RAI14: variants seen among roughly 807,000 people sequenced by gnomAD.
RAI14 encodes ankycorbin.
Under a neutral mutation model 115.4 loss-of-function variants are expected in RAI14, and 45 were observed. The ratio of observed to expected loss-of-function variants is 0.39; its 90% confidence interval spans 0.31 to 0.50. The LOEUF (loss-of-function observed/expected upper bound fraction) is 0.50, where lower values mean the gene tolerates loss of function less well. Among genes scored for constraint, RAI14 ranks in the 20% least tolerant of loss-of-function variants. RAI14 has a pLI of 0.85. For synonymous variants in RAI14, 371 were observed against 415.4 expected, an observed-to-expected ratio of 0.89 and a Z score of 1.30; for missense variants, 939 against 1,131.2, an observed-to-expected ratio of 0.83 and a Z score of 2.44.
chr5:34,788,327 T>C (rs1752557008), intron 3 of RAI14, among the ~76,000 whole-genome samples: 1 of 152,080 alleles, frequency 6.6e-6, no homozygotes. Context: ...TAGATGCCAA[T>C]AGAATCTCCC....
At chr5:34,759,035 G>A (rs1348719623) in intron 3 of RAI14, among the ~76,000 whole-genome samples, 2 of 152,192 alleles carry the variant, frequency 1.3e-5, no homozygotes, top group South Asian at 2.1e-4. Flanking sequence ...GCCGAGGCGG[G>A]TGGAATCACT....
At chr5:34,694,895 G>T (rs540356925) in intron 2 of RAI14, among the ~76,000 whole-genome samples, 1 of 152,150 alleles carries the variant, frequency 6.6e-6, no homozygotes, top group South Asian at 2.1e-4. Context: ...TTTTCATTTT[G>T]TCTGGGTGTG....
At chr5:34,793,264 C>G (rs917437221) in intron 3 of RAI14, among the ~76,000 whole-genome samples, 21 of 152,150 alleles carry the variant, frequency 1.4e-4, no homozygotes, top group African/African-American at 4.3e-4. Context: ...TTTCCCAAAT[C>G]ATTTGTAGAA....
intron 1 of RAI14, among the ~76,000 whole-genome samples, chr5:34,680,287 T>C (rs1269469712): frequency 6.6e-6 from 1 of 152,172 alleles, no homozygotes; most frequent in East Asian, 1.9e-4. Context: ...GAAAAGAAGC[T>C]TATTGGGTTC....
At chr5:34,706,745 G>A (rs1231800973) in intron 2 of RAI14, among the ~76,000 whole-genome samples, 2 of 152,022 alleles carry the variant, frequency 1.3e-5, no homozygotes, top group Non-Finnish European at 2.9e-5. Context: ...CAAGTTATCT[G>A]GACCATTTTA....
intron 1 of RAI14, among the ~76,000 whole-genome samples, chr5:34,677,668 G>T (rs1744086983): frequency 6.6e-6 from 1 of 152,086 alleles, no homozygotes; most frequent in Admixed American, 6.6e-5. Flanking sequence ...GCTGGTCTCA[G>T]GCTCAAGTGA....
chr5:34,769,427 T>G (rs1749862255), intron 3 of RAI14, among the ~76,000 whole-genome samples: 3 of 152,184 alleles, frequency 2.0e-5, no homozygotes, highest in Non-Finnish European at 4.4e-5. Context: ...TTACCCTCAG[T>G]ATAATCTGAA....
intron 1 of RAI14, among the ~76,000 whole-genome samples, chr5:34,670,649 T>A (rs1234508867): frequency 1.3e-5 from 2 of 152,210 alleles, no homozygotes; most frequent in Non-Finnish European, 2.9e-5. Flanking sequence ...CCATATGTTA[T>A]TGTTAACACA....
chr5:34,686,875 T>C lies in RAI14; in HGVS notation c.-45T>C, dbSNP rs2149884597. The C allele has an allele frequency of 2.5e-6, 4 of 1,604,416 alleles. No homozygotes were observed. The highest frequency in any genetic ancestry group is 3.4e-6 in the Non-Finnish European group (4 of 1,172,304). ...TGTCCTTTTTTTCTCTGCTTAGGTG[T>C]TGAAAAGTCTCCTCTAGAGCTTTGG... On this transcript the variant is annotated 5_prime_UTR_variant, in exon 2 of 18. Coordinates refer to ENST00000265109, the MANE Select transcript of RAI14 (RefSeq NM_015577.3).
At chr5:34,757,312 A>T (rs778377836) in intron 2 of RAI14, 156 bp from the exon 3 acceptor site, 2 of 837,172 alleles carry the variant, frequency 2.4e-6, no homozygotes, top group Non-Finnish European at 4.0e-6. Flanking sequence ...GGGTGTCTCC[A>T]TGGTGAAGGG....
chr5:34,775,606 C>G (rs929023448), intron 3 of RAI14, among the ~76,000 whole-genome samples: 2 of 152,026 alleles, frequency 1.3e-5, no homozygotes, highest in East Asian at 1.9e-4. Context: ...AGATCTGAAC[C>G]GACACTTCCC....
chr5:34,678,481 A>T (rs572822174), intron 1 of RAI14, among the ~76,000 whole-genome samples: 1 of 152,274 alleles, frequency 6.6e-6, no homozygotes, highest in South Asian at 2.1e-4. Flanking sequence ...ATAAGGTCAT[A>T]TGGGTGGACT....
rs916672435 is a variant in RAI14 at position 34,811,163 on chromosome 5, A to G, written c.557+45A>G. ...AAATCATGTGACTTCAGTGATACCC[A>G]CATTCTGAGAGTATTTCAAAATATC... On this transcript the variant is annotated intron_variant, in intron 8 of 17. Coordinates refer to ENST00000265109, the MANE Select transcript of RAI14 (RefSeq NM_015577.3). 3.8e-6 allele frequency: 6 copies of G among 1,577,426 alleles called. No individual in the cohort carries two copies. The Admixed American group carries it at 5.0e-5, about 13-fold the overall frequency.
At chr5:34,808,926 A>G (rs1427097463) in intron 7 of RAI14, among the ~76,000 whole-genome samples, 1 of 152,190 alleles carries the variant, frequency 6.6e-6, no homozygotes, top group East Asian at 1.9e-4. Context: ...ATGAGAATCC[A>G]GTACTGCTGC....
At chr5:34,792,017 G>A (rs1364942163) in intron 3 of RAI14, among the ~76,000 whole-genome samples, 1 of 152,184 alleles carries the variant, frequency 6.6e-6, no homozygotes, top group Non-Finnish European at 1.5e-5. Flanking sequence ...CAGACCTGGA[G>A]GGGCAGAGAG....
At chr5:34,731,676 C>G (rs1413253915) in intron 2 of RAI14, among the ~76,000 whole-genome samples, 2 of 152,116 alleles carry the variant, frequency 1.3e-5, no homozygotes, top group African/African-American at 2.4e-5. Context: ...ATAAGCATCT[C>G]AGAACTCATC....
At chr5:34,786,635 T>G (rs11957373) in intron 3 of RAI14, among the ~76,000 whole-genome samples, 4,103 of 152,248 alleles carry the variant, frequency 0.027, 191 homozygotes, top group African/African-American at 0.093. Flanking sequence ...TACTCACCAC[T>G]GGGATTGCTT....
At chr5:34,747,332 T>C (rs1352424220) in intron 2 of RAI14, among the ~76,000 whole-genome samples, 2 of 152,240 alleles carry the variant, frequency 1.3e-5, no homozygotes, top group Non-Finnish European at 2.9e-5. Flanking sequence ...CTGTACATTT[T>C]AATTTTAGTA....
chr5:34,723,657 G>A (rs934308765), intron 2 of RAI14, among the ~76,000 whole-genome samples: 10 of 152,268 alleles, frequency 6.6e-5, no homozygotes, highest in East Asian at 1.9e-4. Context: ...CTGGGCCTAC[G>A]TTATATAAGA....
Sources: gnomAD v4.1 joint callset for allele counts (sites outside exome capture counted in the v4.1 genomes callset) on GRCh38, gnomAD v4.1.1 for gene constraint, MANE v1.5 for transcripts, NCBI Gene and HGNC (gene_info 2026-07-23, HGNC 2026-07-21) for gene names.